The following LUZP2 variants were observed in gnomAD, a reference collection of about 807,000 sequenced individuals.
LUZP2 encodes leucine zipper protein 2.
Under a neutral mutation model 51.6 loss-of-function variants are expected in LUZP2, and 52 were observed. That is an observed-to-expected ratio of 1.01 (90% CI 0.81 to 1.27). The LOEUF is 1.27. Ranked by LOEUF, LUZP2 falls within the 50% of genes most tolerant of loss-of-function variation. The pLI, the probability that LUZP2 is intolerant of heterozygous loss-of-function variation, is 0.00. For missense variants in LUZP2, 436 were observed against 395.4 expected (o/e 1.10, Z -0.87); for synonymous variants, 154 against 137.3 (o/e 1.12, Z -0.85).
chr11:25,035,811 T>C (rs776947771), intron 9 of LUZP2, among the ~76,000 whole-genome samples: 1 of 152,098 alleles, frequency 6.6e-6, no homozygotes, highest in Non-Finnish European at 1.5e-5. Flanking sequence ...ATCCTAGGAG[T>C]AAAGCCTACT....
chr11:24,699,248 T>C (rs1426445423), intron 1 of LUZP2, among the ~76,000 whole-genome samples: 1 of 152,086 alleles, frequency 6.6e-6, no homozygotes, highest in African/African-American at 2.4e-5. Context: ...TCACCATAAA[T>C]TTTATGTTTG....
intron 4 of LUZP2, among the ~76,000 whole-genome samples, chr11:24,754,952 C>T (rs892738621): frequency 8.5e-5 from 13 of 152,122 alleles, no homozygotes; most frequent in African/African-American, 3.1e-4. Context: ...TCAAGACCAG[C>T]CCGACCAACA....
At chr11:24,739,565 A>T (rs1045770806) in intron 4 of LUZP2, among the ~76,000 whole-genome samples, 3 of 152,110 alleles carry the variant, frequency 2.0e-5, no homozygotes, top group African/African-American at 7.2e-5. Context: ...CAAATGTTAA[A>T]GCATCAGATT....
At chr11:24,922,934 C>T (rs867147679) in intron 7 of LUZP2, among the ~76,000 whole-genome samples, 5 of 144,900 alleles carry the variant, frequency 3.5e-5, no homozygotes, top group African/African-American at 1.3e-4. Flanking sequence ...CTGAAAGCTC[C>T]GCCTCCCGGG....
At chr11:24,908,220 C>A (rs1367379115) in intron 6 of LUZP2, among the ~76,000 whole-genome samples, 2 of 152,178 alleles carry the variant, frequency 1.3e-5, no homozygotes, top group Middle Eastern at 3.4e-3. Flanking sequence ...CAGAAGATTG[C>A]CATTGTTTTA....
chr11:24,878,492 T>C (rs1055691516), intron 5 of LUZP2, among the ~76,000 whole-genome samples: 2 of 152,120 alleles, frequency 1.3e-5, no homozygotes, highest in Admixed American at 1.3e-4. Flanking sequence ...CCTGGACCTT[T>C]GGGAGTTTGA....
chr11:24,711,450 A>T (rs1449128584), intron 1 of LUZP2, among the ~76,000 whole-genome samples: 3 of 143,042 alleles, frequency 2.1e-5, no homozygotes, highest in South Asian at 2.3e-4. Flanking sequence ...ACTCCATCTC[A>T]AAATAAATAA....
At chr11:25,009,630 T>C (rs1405259719) in intron 9 of LUZP2, among the ~76,000 whole-genome samples, 1 of 152,170 alleles carries the variant, frequency 6.6e-6, no homozygotes, top group East Asian at 1.9e-4. Context: ...CGAATATTAT[T>C]TTTTAAAAAC....
intron 1 of LUZP2, among the ~76,000 whole-genome samples, chr11:24,666,794 A>G (rs1185123859): frequency 6.6e-6 from 1 of 152,218 alleles, no homozygotes; most frequent in Non-Finnish European, 1.5e-5. Flanking sequence ...TAGTGTTATT[A>G]CTAAACAGGG....
At chr11:24,810,801 CT>C (rs1485720518) in intron 5 of LUZP2, among the ~76,000 whole-genome samples, 1 of 152,152 alleles carries the variant, frequency 6.6e-6, no homozygotes, top group East Asian at 1.9e-4. Flanking sequence ...ATGAAACCAT[CT>C]GTAGAAAAAC....
intron 1 of LUZP2, among the ~76,000 whole-genome samples, chr11:24,507,323 C>A (rs1850172750): frequency 6.6e-6 from 1 of 152,026 alleles, no homozygotes; most frequent in South Asian, 2.1e-4. Flanking sequence ...ACTCAACATG[C>A]AAATTGTAGC....
intron 5 of LUZP2, among the ~76,000 whole-genome samples, chr11:24,821,871 A>ATT (rs1198012376): frequency 7.0e-6 from 1 of 142,954 alleles, no homozygotes; most frequent in Non-Finnish European, 1.5e-5. Context: ...TGCCAGAAAT[A>ATT]TTTATATATA....
chr11:25,065,398 G>T (rs1162036474), intron 10 of LUZP2, among the ~76,000 whole-genome samples: 1 of 152,010 alleles, frequency 6.6e-6, no homozygotes, highest in Non-Finnish European at 1.5e-5. Context: ...TGGGATGAGT[G>T]TCACTCAGAT....
At chr11:24,978,010 A>AT (rs1855927574) in intron 8 of LUZP2, among the ~76,000 whole-genome samples, 1 of 151,512 alleles carries the variant, frequency 6.6e-6, no homozygotes, top group East Asian at 1.9e-4. Context: ...TTATAAACTT[A>AT]TTTTGCAATA....
At chr11:24,972,930 C>T in intron 7 of LUZP2, among the ~76,000 whole-genome samples, 1 of 151,996 alleles carries the variant, frequency 6.6e-6, no homozygotes, top group East Asian at 1.9e-4. Context: ...CAGAATGATG[C>T]TGACCTCATA....
At chr11:24,645,863 GTA>G (rs1855445850) in intron 1 of LUZP2, among the ~76,000 whole-genome samples, 1 of 145,600 alleles carries the variant, frequency 6.9e-6, no homozygotes, top group African/African-American at 2.5e-5. Flanking sequence ...GTGTGTGTGT[GTA>G]TCCTTAAAAT....
intron 1 of LUZP2, among the ~76,000 whole-genome samples, chr11:24,535,241 A>G (rs1407050259): frequency 6.6e-6 from 1 of 151,524 alleles, no homozygotes; most frequent in Non-Finnish European, 1.5e-5. Flanking sequence ...TTGACTTATC[A>G]GGGCGGTGAT....
chr11:24,865,106 A>G (rs1851850663), intron 5 of LUZP2, among the ~76,000 whole-genome samples: 2 of 152,174 alleles, frequency 1.3e-5, no homozygotes, highest in South Asian at 4.1e-4. Flanking sequence ...AGGTTAGTTT[A>G]TAGCATGAGA....
chr11:24,741,839 A>ATG (rs1296471323), intron 4 of LUZP2, among the ~76,000 whole-genome samples: 2 of 140,776 alleles, frequency 1.4e-5, no homozygotes, highest in Non-Finnish European at 3.0e-5. Context: ...ATTTATATAT[A>ATG]TTTATAAATA....
Sources: gnomAD v4.1 joint callset for allele counts (sites outside exome capture counted in the v4.1 genomes callset) on GRCh38, gnomAD v4.1.1 for gene constraint, MANE v1.5 for transcripts, NCBI Gene and HGNC (gene_info 2026-07-23, HGNC 2026-07-21) for gene names.